Variants in SLC35F3 observed in about 807,000 individuals in gnomAD.
The protein encoded by SLC35F3 is putative thiamine transporter SLC35F3.
A neutral mutation model predicts 49.9 loss-of-function variants in SLC35F3; 25 were observed. The ratio of observed to expected loss-of-function variants is 0.50; its 90% CI spans 0.37 to 0.70. The LOEUF is 0.70. Ranked by LOEUF, SLC35F3 falls within the 30% of genes least tolerant of loss-of-function variation. The probability of loss-of-function intolerance (pLI) is 0.00; values close to 1 mark genes in which losing one functional copy is unlikely to be tolerated. For missense variants in SLC35F3, 525 were observed against 639.8 expected, an observed-to-expected ratio of 0.82 and a Z score of 1.94; for synonymous variants, 275 against 265.4, an observed-to-expected ratio of 1.04 and a Z score of -0.35.
At chr1:234,089,373 G>A (rs376775561) in intron 2 of SLC35F3, among the ~76,000 whole-genome samples, 4 of 151,972 alleles carry the variant, frequency 2.6e-5, no homozygotes, top group African/African-American at 9.7e-5. Context: ...GAGAACCAAG[G>A]GGCTTTCTAA....
intron 2 of SLC35F3, among the ~76,000 whole-genome samples, chr1:234,198,261 G>A (rs916642279): frequency 6.6e-6 from 1 of 152,212 alleles, no homozygotes; most frequent in African/African-American, 2.4e-5. Flanking sequence ...TGACAAAGAT[G>A]AAACATTTCC....
chr1:234,083,206 C>A (rs1255809913), intron 2 of SLC35F3, among the ~76,000 whole-genome samples: 1 of 152,116 alleles, frequency 6.6e-6, no homozygotes, highest in Non-Finnish European at 1.5e-5. Flanking sequence ...GCAGCTAACT[C>A]CAGTGATTAG....
intron 2 of SLC35F3, among the ~76,000 whole-genome samples, chr1:233,933,332 T>A (rs915192879): frequency 2.6e-5 from 4 of 152,140 alleles, no homozygotes; most frequent in Non-Finnish European, 5.9e-5. Context: ...ATTTTTTTTT[T>A]ACTAAAAAGT....
chr1:234,174,273 A>G (rs1287340721), intron 2 of SLC35F3, among the ~76,000 whole-genome samples: 1 of 152,202 alleles, frequency 6.6e-6, no homozygotes, highest in Non-Finnish European at 1.5e-5. Flanking sequence ...TAGTGCCCCT[A>G]ACAAAACCCA....
At chr1:234,028,554 G>T (rs921258236) in intron 2 of SLC35F3, among the ~76,000 whole-genome samples, 31 of 152,114 alleles carry the variant, frequency 2.0e-4, no homozygotes, top group African/African-American at 7.0e-4. Context: ...CTGGAGACTG[G>T]GGCAAGCATA....
At chr1:234,199,792 A>C (rs1666874100) in intron 2 of SLC35F3, among the ~76,000 whole-genome samples, 1 of 152,260 alleles carries the variant, frequency 6.6e-6, no homozygotes, top group African/African-American at 2.4e-5. Context: ...ACAACTCAAT[A>C]GCAAGAAAAC....
At chr1:234,191,940 G>T (rs1250492018) in intron 2 of SLC35F3, among the ~76,000 whole-genome samples, 4 of 151,504 alleles carry the variant, frequency 2.6e-5, no homozygotes, top group Admixed American at 2.0e-4. Flanking sequence ...CAATAACAAG[G>T]AGCAAGACTC....
At chr1:234,207,001 C>T (rs2102937655) in intron 2 of SLC35F3, among the ~76,000 whole-genome samples, 1 of 152,264 alleles carries the variant, frequency 6.6e-6, no homozygotes, top group Admixed American at 6.5e-5. Context: ...CAGACACCAG[C>T]CAAGGGAGCT....
Position 234,231,144 on chromosome 1 carries a change from A to C in SLC35F3, c.284-273A>C, listed in dbSNP as rs1040673714. ...GTGAGCCCTGAGATTCTGCATTTCC[A>C]ACACGTTCCGGGGACGGACGGGGAA... On this transcript the variant is annotated intron_variant, in intron 2 of 7. Transcript: ENST00000366618. The surrounding 1 kb of genome is among the most constrained non-coding windows in gnomAD (Gnocchi z 5.4). 6.6e-6 allele frequency among the ~76,000 whole-genome samples: 1 copy of C among 152,168 alleles called. No individual in the cohort carries two copies. The highest frequency in any genetic ancestry group is 2.4e-5 in the African/African-American group (1 of 41,434).
At chr1:234,075,531 A>T (rs1379993544) in intron 2 of SLC35F3, among the ~76,000 whole-genome samples, 29 of 152,266 alleles carry the variant, frequency 1.9e-4, no homozygotes, top group Admixed American at 1.9e-3. Flanking sequence ...AAGATTCCAG[A>T]TAAAATGTGT....
chr1:234,303,119 C>A (rs1450333499), intron 3 of SLC35F3, among the ~76,000 whole-genome samples: 1 of 152,168 alleles, frequency 6.6e-6, no homozygotes, highest in East Asian at 1.9e-4. Context: ...CCACCCCCAA[C>A]ACAATAATAT....
At position 234,202,199 on chromosome 1, in the gene SLC35F3, A is replaced by C. The variant is rs371217968; in HGVS notation, c.284-29218A>C. Among the ~76,000 whole-genome samples the C allele has an allele frequency of 2.2e-4, 33 of 152,328 alleles. No homozygotes were observed. The South Asian group carries it at 4.1e-3, about 19-fold the overall frequency. Reference sequence around the variant, plus strand: ...TTCACTTATAAGTCGGAACTGAATGATGAGAACACATGGACATGTGGTGCA... The same window carrying C: ...TTCACTTATAAGTCGGAACTGAATGCTGAGAACACATGGACATGTGGTGCA... On this transcript the variant is annotated intron_variant, in intron 2 of 7. Transcript: ENST00000366618.
Position 234,076,254 on chromosome 1 carries a change from C to T in SLC35F3, c.284-155163C>T, listed in dbSNP as rs1664790343. 2.0e-5 allele frequency among the ~76,000 whole-genome samples: 3 copies of T among 149,848 alleles called. No individual in the cohort carries two copies. In the South Asian group the frequency reaches 6.6e-4, roughly 33 times the overall value. The stretch of plus-strand genomic sequence containing the variant: ...TTAAACGTATTATCAAGGTGACAGC[C>T]CCATTAATTCTGAGAGGATAGTTTG... On this transcript the variant is annotated intron_variant, in intron 2 of 7. Coordinates refer to ENST00000366618, the MANE Select transcript of SLC35F3 (RefSeq NM_173508.4).
chr1:234,077,644 C>T (rs991089075), intron 2 of SLC35F3, among the ~76,000 whole-genome samples: 4 of 152,186 alleles, frequency 2.6e-5, no homozygotes, highest in African/African-American at 9.7e-5. Context: ...GTCATGCTGA[C>T]TGGGAGGTTG....
At chr1:233,912,486 CAAACAAAG>C (rs1388810970) in intron 2 of SLC35F3, among the ~76,000 whole-genome samples, 3 of 120,740 alleles carry the variant, frequency 2.5e-5, no homozygotes, top group Non-Finnish European at 6.2e-5. Flanking sequence ...CAAAAACAAA[CAAACAAAG>C]AAACAAACAA....
rs192584064 is a variant in SLC35F3 at position 233,926,128 on chromosome 1, G to A, written c.283+20370G>A. On this transcript the variant is annotated intron_variant, in intron 2 of 7. Transcript: ENST00000366618. The stretch of plus-strand genomic sequence containing the variant: ...TAGGTGTCTTGGGGTTGCTCTTCTC[G>A]AGGAGTATCTTTGTGGCATTCTCTG... 3.2e-3 allele frequency among the ~76,000 whole-genome samples: 480 copies of A among 152,106 alleles called. 1 individual carries two copies. Among genetic ancestry groups the A allele is most frequent in the African/African-American group, 0.01 (431 of 41,496 alleles).
chr1:234,282,527 A>T (rs1668345020), intron 3 of SLC35F3, among the ~76,000 whole-genome samples: 1 of 152,198 alleles, frequency 6.6e-6, no homozygotes, highest in Non-Finnish European at 1.5e-5. Flanking sequence ...CTTGCTGGGG[A>T]GGGCCTTACC....
chr1:234,173,799 G>A (rs1003740278), intron 2 of SLC35F3, among the ~76,000 whole-genome samples: 1 of 152,208 alleles, frequency 6.6e-6, no homozygotes, highest in African/African-American at 2.4e-5. Flanking sequence ...CTCCTTCAGT[G>A]GGAGAGAAGG....
At chr1:233,981,532 G>T (rs1476191025) in intron 2 of SLC35F3, among the ~76,000 whole-genome samples, 1 of 152,186 alleles carries the variant, frequency 6.6e-6, no homozygotes, top group Non-Finnish European at 1.5e-5. Context: ...CAGCGTGGAT[G>T]TGTCACAATT....
Sources: gnomAD v4.1 joint callset for allele counts (sites outside exome capture counted in the v4.1 genomes callset) on GRCh38, gnomAD v4.1.1 for gene constraint, Gnocchi (gnomAD v3.1) non-coding constraint, MANE v1.5 for transcripts, NCBI Gene and HGNC (gene_info 2026-07-23, HGNC 2026-07-21) for gene names.